FRMD4A: variants seen among roughly 807,000 people sequenced by gnomAD.
The protein encoded by FRMD4A is FERM domain containing 4A.
Under a neutral mutation model 129.1 loss-of-function variants are expected in FRMD4A, and 29 were observed. The ratio of observed to expected loss-of-function variants is 0.22; its 90% CI spans 0.17 to 0.31. The LOEUF (loss-of-function observed/expected upper bound fraction) is 0.31. Among genes scored for constraint, FRMD4A ranks in the 10% least tolerant of loss-of-function variants. The probability of loss-of-function intolerance (pLI) is 1.00; values close to 1 mark genes in which losing one functional copy is unlikely to be tolerated. For missense variants in FRMD4A, 1,272 were observed against 1,375.8 expected, an observed-to-expected ratio of 0.92 and a Z score of 1.19; for synonymous variants, 634 against 571.6, an observed-to-expected ratio of 1.11 and a Z score of -1.56.
intron 7 of FRMD4A, 41 bp downstream of exon 7, chr10:13,762,583 T>C: frequency 1.8e-6 from 2 of 1,127,280 alleles, no homozygotes; most frequent in Non-Finnish European, 2.7e-6. Context: ...TTCTTCTGTG[T>C]ATGGCCGTGG....
At chr10:14,122,278 T>C (rs963764419) in intron 2 of FRMD4A, among the ~76,000 whole-genome samples, 21 of 152,316 alleles carry the variant, frequency 1.4e-4, no homozygotes, top group African/African-American at 5.1e-4. Context: ...TTCTGGCAGA[T>C]TGACATATGT....
At chr10:14,246,613 A>G (rs1029846436) in intron 2 of FRMD4A, among the ~76,000 whole-genome samples, 6 of 152,222 alleles carry the variant, frequency 3.9e-5, no homozygotes, top group East Asian at 1.9e-4. Flanking sequence ...ATATGTGCGC[A>G]CACACACGCA....
chr10:13,893,624 C>A (rs964207271), intron 2 of FRMD4A, among the ~76,000 whole-genome samples: 5 of 152,006 alleles, frequency 3.3e-5, no homozygotes, highest in African/African-American at 1.2e-4. Context: ...TGGGTTCAAG[C>A]GATTCTTCTG....
At chr10:14,017,556 T>G (rs1252842703) in intron 2 of FRMD4A, among the ~76,000 whole-genome samples, 1 of 152,170 alleles carries the variant, frequency 6.6e-6, no homozygotes, top group Non-Finnish European at 1.5e-5. Flanking sequence ...ATGATCAACT[T>G]TTACATCTGT....
At chr10:13,750,113 A>AAAGAAAGAAAGAAAGG (rs2091530230) in intron 8 of FRMD4A, among the ~76,000 whole-genome samples, 6 of 108,160 alleles carry the variant, frequency 5.5e-5, no homozygotes, top group Admixed American at 9.2e-5. Context: ...AGAAATGAAG[A>AAAGAAAGAAAGAAAGG]AAGAAAGAAA....
chr10:13,749,406 G>A lies in FRMD4A; in HGVS notation c.465-1587C>T, dbSNP rs80188207. On this transcript the variant is annotated intron_variant, in intron 8 of 24. Transcript: ENST00000357447. Reference sequence around the variant, plus strand: ...AAGCAATGAAACAAGGTATAACTCTGAAGGAAGGAAGGAATACCGCAGCCA... The same window carrying A: ...AAGCAATGAAACAAGGTATAACTCTAAAGGAAGGAAGGAATACCGCAGCCA... Among the ~76,000 whole-genome samples the A allele has an allele frequency of 3.7e-3, 562 of 152,268 alleles. 5 individuals carry two copies. Among genetic ancestry groups the A allele is most frequent in the African/African-American group, 0.012 (518 of 41,558 alleles).
chr10:13,665,342 T>C (rs4341437), intron 18 of FRMD4A, among the ~76,000 whole-genome samples: 121,510 of 151,932 alleles, frequency 0.8, 48,889 homozygotes, highest in East Asian at 0.87. Flanking sequence ...CTAAGCCCCC[T>C]ATAGTAACCA....
intron 15 of FRMD4A, among the ~76,000 whole-genome samples, chr10:13,691,687 T>A (rs1446855037): frequency 1.3e-5 from 2 of 152,172 alleles, no homozygotes; most frequent in African/African-American, 4.8e-5. Flanking sequence ...ACGCCGAAGT[T>A]TGAGAACCAC....
At chr10:14,123,818 G>A (rs17154691) in intron 2 of FRMD4A, among the ~76,000 whole-genome samples, 179 of 152,176 alleles carry the variant, frequency 1.2e-3, no homozygotes, top group Non-Finnish European at 1.9e-3. Context: ...TGTTTCCAGC[G>A]GGCTCCGTGG....
At chr10:14,162,646 T>TG (rs1157407310) in intron 2 of FRMD4A, among the ~76,000 whole-genome samples, 11 of 150,066 alleles carry the variant, frequency 7.3e-5, no homozygotes, top group African/African-American at 2.0e-4. Flanking sequence ...TTTTTGTTTT[T>TG]TTTTTTTTTT....
chr10:14,110,254 A>T (rs935901886), intron 2 of FRMD4A, among the ~76,000 whole-genome samples: 1 of 151,878 alleles, frequency 6.6e-6, no homozygotes, highest in Non-Finnish European at 1.5e-5. Flanking sequence ...TCCAATATAG[A>T]AGAAGGATTT....
intron 2 of FRMD4A, among the ~76,000 whole-genome samples, chr10:14,036,316 T>C (rs891055389): frequency 1.3e-5 from 2 of 152,158 alleles, no homozygotes; most frequent in African/African-American, 2.4e-5. Context: ...TAGTTCAGGG[T>C]ACTCCTGGGT....
chr10:14,243,023 G>A (rs1003353736), intron 2 of FRMD4A, among the ~76,000 whole-genome samples: 1 of 147,686 alleles, frequency 6.8e-6, no homozygotes, highest in Non-Finnish European at 1.5e-5. Flanking sequence ...AATAAAATAT[G>A]GCATCTGTCT....
At chr10:14,293,520 C>T (rs1845913284) in intron 2 of FRMD4A, among the ~76,000 whole-genome samples, 2 of 152,058 alleles carry the variant, frequency 1.3e-5, no homozygotes, top group Admixed American at 6.6e-5. Flanking sequence ...TGTTGTACTT[C>T]ACTGATAATC....
chr10:13,683,911 T>C (rs1422718337), intron 15 of FRMD4A: 1 of 152,126 alleles, frequency 6.6e-6, no homozygotes, highest in Non-Finnish European at 1.5e-5. Context: ...GGTTTCACCA[T>C]GTTAGCCAGG....
At chr10:13,745,514 A>T (rs1394633345) in intron 9 of FRMD4A, among the ~76,000 whole-genome samples, 1 of 152,178 alleles carries the variant, frequency 6.6e-6, no homozygotes, top group African/African-American at 2.4e-5. Flanking sequence ...CTGCCAAGCC[A>T]GCTATAGGTG....
intron 2 of FRMD4A, among the ~76,000 whole-genome samples, chr10:14,034,265 G>A (rs943119201): frequency 4.6e-5 from 7 of 152,100 alleles, no homozygotes; most frequent in South Asian, 2.1e-4. Flanking sequence ...AGGAGCTATC[G>A]GTACCCAGCT....
intron 2 of FRMD4A, among the ~76,000 whole-genome samples, chr10:14,131,473 T>G (rs1306298632): frequency 1.5e-4 from 23 of 150,008 alleles, no homozygotes; most frequent in Admixed American, 1.1e-3. Context: ...TGAAGTCCAG[T>G]TACGTGTGAC....
chr10:14,284,006 A>T (rs946863225), intron 2 of FRMD4A, among the ~76,000 whole-genome samples: 1 of 151,660 alleles, frequency 6.6e-6, no homozygotes, highest in Non-Finnish European at 1.5e-5. Flanking sequence ...TCAAACAAAT[A>T]GTTGGTAAGT....
Sources: allele counts gnomAD v4.1 joint callset (sites outside exome capture counted in the v4.1 genomes callset), GRCh38; gene constraint gnomAD v4.1.1; transcripts MANE v1.5; gene names NCBI Gene and HGNC (gene_info 2026-07-23, HGNC 2026-07-21).